The following SPMAP2L variants were observed in gnomAD, a reference collection of about 807,000 sequenced individuals.
SPMAP2L encodes sperm microtubule associated protein 2-like.
the SPMAP2L span, among the ~76,000 whole-genome samples, chr4:56,549,830 G>A: frequency 2.0e-5 from 3 of 152,184 alleles, no homozygotes; most frequent in Admixed American, 6.5e-5. Context: ...AATGAATGTT[G>A]TGTTTAGACT....
chr4:56,594,189 C>T, the SPMAP2L span: 4 of 1,613,116 alleles, frequency 2.5e-6, no homozygotes, highest in Admixed American at 3.3e-5. Flanking sequence ...ATTCCAGGGT[C>T]TGTGTTCAAG....
the SPMAP2L span, among the ~76,000 whole-genome samples, chr4:56,574,233 A>G: frequency 1.3e-5 from 2 of 152,070 alleles, no homozygotes; most frequent in Non-Finnish European, 2.9e-5. Context: ...TAGCCTAGAT[A>G]ATATAGCGAG....
At chr4:56,575,558 C>G in the SPMAP2L span, 1 of 1,535,426 alleles carries the variant, frequency 6.5e-7, no homozygotes. Flanking sequence ...GAGATCACTC[C>G]TCCTGCATTG....
the SPMAP2L span, among the ~76,000 whole-genome samples, chr4:56,584,947 G>A: frequency 6.6e-6 from 1 of 152,194 alleles, no homozygotes; most frequent in Non-Finnish European, 1.5e-5. Flanking sequence ...GGGCAAGTCA[G>A]CAGTTCCCTG....
chr4:56,594,185 G>T, the SPMAP2L span: 7 of 1,613,184 alleles, frequency 4.3e-6, no homozygotes, highest in Non-Finnish European at 5.9e-6. Flanking sequence ...AGGTATTCCA[G>T]GGTCTGTGTT....
chr4:56,618,694 A>G, the SPMAP2L span, among the ~76,000 whole-genome samples: 29,970 of 152,122 alleles, frequency 0.2, 3,561 homozygotes, highest in African/African-American at 0.32. Context: ...GATTATGGGA[A>G]CTACAGTTCA....
chr4:56,624,902 G>A, the SPMAP2L span, among the ~76,000 whole-genome samples: 120 of 152,350 alleles, frequency 7.9e-4, 2 homozygotes, highest in Admixed American at 6.5e-3. Context: ...GCACTGCCTA[G>A]TGGAGCTGAG....
At chr4:56,559,125 G>A in the SPMAP2L span, among the ~76,000 whole-genome samples, 2 of 151,724 alleles carry the variant, frequency 1.3e-5, no homozygotes, top group Non-Finnish European at 2.9e-5. Flanking sequence ...GTAGAGACGA[G>A]GTTTCACCAT....
At chr4:56,588,582 C>T in the SPMAP2L span, among the ~76,000 whole-genome samples, 1 of 152,088 alleles carries the variant, frequency 6.6e-6, no homozygotes, top group Non-Finnish European at 1.5e-5. Flanking sequence ...TAGGCATGCA[C>T]CACCACGCCA....
At chr4:56,612,537 G>A in the SPMAP2L span, among the ~76,000 whole-genome samples, 6 of 150,398 alleles carry the variant, frequency 4.0e-5, no homozygotes, top group Non-Finnish European at 8.9e-5. Context: ...CTGGTGGCCA[G>A]GTTGTTATTA....
the SPMAP2L span, among the ~76,000 whole-genome samples, chr4:56,588,245 T>C: frequency 6.6e-6 from 1 of 152,258 alleles, no homozygotes; most frequent in East Asian, 1.9e-4. Flanking sequence ...ATTGTGAAGA[T>C]TTTCTCCCAC....
chr4:56,553,758 A>C, the SPMAP2L span, among the ~76,000 whole-genome samples: 1 of 152,174 alleles, frequency 6.6e-6, no homozygotes, highest in South Asian at 2.1e-4. Context: ...ACAAATGCAT[A>C]ATGTATCCAC....
At chr4:56,609,728 T>C in the SPMAP2L span, among the ~76,000 whole-genome samples, 1 of 152,128 alleles carries the variant, frequency 6.6e-6, no homozygotes, top group Non-Finnish European at 1.5e-5. Context: ...ATAAAGAGCT[T>C]GAGAGAGTTC....
At chr4:56,548,008 A>G in the SPMAP2L span, among the ~76,000 whole-genome samples, 7 of 152,192 alleles carry the variant, frequency 4.6e-5, no homozygotes, top group African/African-American at 7.2e-5. Context: ...GTCCATTTCT[A>G]TAAATAGAAT....
chr4:56,548,775 T>G, the SPMAP2L span: 7 of 1,489,412 alleles, frequency 4.7e-6, no homozygotes, highest in East Asian at 1.8e-4. Flanking sequence ...TGCTTTTACT[T>G]TTGTTTTCTT....
chr4:56,594,656 C>T, the SPMAP2L span: 1 of 1,328,974 alleles, frequency 7.5e-7, no homozygotes, highest in Non-Finnish European at 1.1e-6. Flanking sequence ...GAAGATTCAG[C>T]CTGTGGAGGT....
At chr4:56,598,881 T>C in the SPMAP2L span, among the ~76,000 whole-genome samples, 1 of 151,984 alleles carries the variant, frequency 6.6e-6, no homozygotes, top group African/African-American at 2.4e-5. Flanking sequence ...GGGGGTGGTT[T>C]CCCCCATGCT....
the SPMAP2L span, among the ~76,000 whole-genome samples, chr4:56,572,500 G>T: frequency 1.3e-5 from 2 of 152,306 alleles, no homozygotes; most frequent in South Asian, 2.1e-4. Context: ...CCTAGTGAGT[G>T]CTCCTAACAC....
chr4:56,559,461 C>G, the SPMAP2L span: 1 of 1,532,622 alleles, frequency 6.5e-7, no homozygotes, highest in Admixed American at 2.0e-5. Flanking sequence ...CTCAGCTGAC[C>G]AAAAGACTTG....
Sources: allele counts gnomAD v4.1 joint callset (sites outside exome capture counted in the v4.1 genomes callset), GRCh38; gene constraint gnomAD v4.1.1; transcripts MANE v1.5; gene names NCBI Gene and HGNC (gene_info 2026-07-23, HGNC 2026-07-21).